Variants in FOXP1 observed in about 807,000 individuals in gnomAD.
FOXP1 encodes the protein forkhead box protein P1.
A neutral mutation model predicts 98.2 loss-of-function variants in FOXP1; 15 were observed. The observed-to-expected ratio is 0.15, with a 90% CI of 0.10 to 0.24. The LOEUF is 0.24. Among genes scored for constraint, FOXP1 ranks in the 10% least tolerant of loss-of-function variants. FOXP1 has a pLI of 1.00. For synonymous variants in FOXP1, 371 were observed against 314.5 expected, an observed-to-expected ratio of 1.18 and a Z score of -1.90; for missense variants, 633 against 848.5, an observed-to-expected ratio of 0.75 and a Z score of 3.15.
At chr3:71,006,675 G>A (rs140595740) in intron 12 of FOXP1, among the ~76,000 whole-genome samples, 4 of 152,030 alleles carry the variant, frequency 2.6e-5, no homozygotes, top group East Asian at 3.9e-4. Flanking sequence ...ATTACATGCC[G>A]GAAATGATCA....
intron 11 of FOXP1, among the ~76,000 whole-genome samples, chr3:71,019,698 G>C (rs150983069): frequency 6.6e-6 from 1 of 152,132 alleles, no homozygotes; most frequent in Non-Finnish European, 1.5e-5. Context: ...AGGTGTGGTG[G>C]TGGGCACCTA....
intron 6 of FOXP1, among the ~76,000 whole-genome samples, chr3:71,187,475 A>C (rs1334333334): frequency 6.6e-6 from 1 of 152,084 alleles, no homozygotes; most frequent in African/African-American, 2.4e-5. Flanking sequence ...CCCAGCTACT[A>C]GGGAAGCTGA....
intron 3 of FOXP1, among the ~76,000 whole-genome samples, chr3:71,436,808 C>T (rs534813515): frequency 4.6e-5 from 7 of 152,280 alleles, no homozygotes; most frequent in Non-Finnish European, 8.8e-5. Flanking sequence ...GGCAGGAATA[C>T]TGCAAAATGT....
At chr3:71,491,860 T>C (rs1165581074) in intron 3 of FOXP1, among the ~76,000 whole-genome samples, 2 of 152,176 alleles carry the variant, frequency 1.3e-5, no homozygotes, top group Non-Finnish European at 2.9e-5. Flanking sequence ...TCTTCACAAA[T>C]CTGGCCCAAG....
intron 14 of FOXP1, among the ~76,000 whole-genome samples, chr3:70,979,279 CAAAAAAAAAAAAAA>C (rs544916383): frequency 2.4e-3 from 103 of 42,540 alleles, no homozygotes; most frequent in African/African-American, 8.4e-3. Context: ...GACTCTACCT[CAAAAAAAAAAAAAA>C]AAAAAAAAAA....
In FOXP1 at chr3:70,987,715, A is replaced by G. The variant is rs146060413; in HGVS notation, c.1146+279T>C. On this transcript the variant is annotated intron_variant, in intron 14 of 20. Transcript: ENST00000649528. ...GGGAGCTCTCATAATGTATTTCAGT[A>G]CCTTGCTTGGGCACCAATCATTCTG... 2.5e-3 allele frequency among the ~76,000 whole-genome samples: 385 copies of G among 152,302 alleles called. 1 individual carries two copies. Among genetic ancestry groups the G allele is most frequent in the African/African-American group, 8.9e-3 (371 of 41,560 alleles).
At chr3:71,126,362 G>A (rs1005468662) in intron 6 of FOXP1, among the ~76,000 whole-genome samples, 10 of 151,774 alleles carry the variant, frequency 6.6e-5, no homozygotes, top group Admixed American at 1.3e-4. Flanking sequence ...GGTGGCAGGC[G>A]CCTGTAGTCC....
chr3:71,217,029 A>G (rs920533424), intron 5 of FOXP1, among the ~76,000 whole-genome samples: 1 of 152,182 alleles, frequency 6.6e-6, no homozygotes, highest in Non-Finnish European at 1.5e-5. Context: ...GAACACTTCT[A>G]AAAGAATTTG....
chr3:71,038,613 T>C (rs536696219), intron 11 of FOXP1, among the ~76,000 whole-genome samples: 7 of 152,242 alleles, frequency 4.6e-5, no homozygotes, highest in South Asian at 2.1e-4. Flanking sequence ...CTACATAATA[T>C]GCATTTGAAG....
chr3:71,144,048 A>G (rs2060193388), intron 6 of FOXP1, among the ~76,000 whole-genome samples: 2 of 152,216 alleles, frequency 1.3e-5, no homozygotes, highest in Admixed American at 1.3e-4. Context: ...TGAATAGGAA[A>G]AAAAAAAGTA....
In FOXP1 at chr3:71,041,393, G is replaced by T; in HGVS notation, c.804C>A (p.Ser268=). 1.2e-6 allele frequency: 2 copies of T among 1,613,826 alleles called. No individual in the cohort carries two copies. Among genetic ancestry groups the T allele is most frequent in the Non-Finnish European group, 1.7e-6 (2 of 1,179,826 alleles). ...TAGAGGCATGTGGGTTCATTATTAA[G>T]GAGGTCTTGGAAGGTGCAGAGGAGG... The part of the protein sequence containing the change: ...CVSSSAPSKT[S]LIMNPHASTN... The change falls in exon 11 of 21, where the codon TCC becomes TCA. Residue 268 remains serine, a synonymous_variant. Transcript: ENST00000649528.
At chr3:71,418,116 G>GGTGTGTGT (rs60973104) in intron 3 of FOXP1, among the ~76,000 whole-genome samples, 32 of 147,476 alleles carry the variant, frequency 2.2e-4, no homozygotes, top group African/African-American at 5.7e-4. Context: ...TGTGCTTGTG[G>GGTGTGTGT]GTGTGTGTGT....
chr3:71,481,910 C>T (rs535911988), intron 3 of FOXP1, among the ~76,000 whole-genome samples: 27 of 152,214 alleles, frequency 1.8e-4, no homozygotes, highest in Admixed American at 2.0e-4. Context: ...ATGAAAACGC[C>T]CCACTCCACA....
At chr3:70,992,542 T>A (rs533530446) in intron 13 of FOXP1, among the ~76,000 whole-genome samples, 9 of 152,314 alleles carry the variant, frequency 5.9e-5, no homozygotes, top group South Asian at 4.1e-4. Context: ...CAGAACTTAG[T>A]ACCAGTGAAA....
intron 5 of FOXP1, among the ~76,000 whole-genome samples, chr3:71,278,658 G>A (rs1213059263): frequency 6.6e-6 from 1 of 152,150 alleles, no homozygotes; most frequent in Admixed American, 6.5e-5. Context: ...GTATGCACCT[G>A]TAATCACAGC....
intron 7 of FOXP1, among the ~76,000 whole-genome samples, chr3:71,088,182 C>T (rs769050229): frequency 6.6e-6 from 1 of 152,182 alleles, no homozygotes; most frequent in Non-Finnish European, 1.5e-5. Flanking sequence ...CTTAAACTTG[C>T]TCTTCCCCGA....
intron 7 of FOXP1, among the ~76,000 whole-genome samples, chr3:71,095,741 G>A (rs2056393762): frequency 1.3e-5 from 2 of 152,320 alleles, no homozygotes; most frequent in South Asian, 4.1e-4. Context: ...ACTTTGGTCA[G>A]ATATCAAGTT....
chr3:71,312,468 A>G (rs774166308), intron 4 of FOXP1, among the ~76,000 whole-genome samples: 9 of 152,234 alleles, frequency 5.9e-5, no homozygotes, highest in Non-Finnish European at 1.3e-4. Context: ...AAGGTGGACC[A>G]GAAAGATGAA....
chr3:71,037,900 A>G (rs1327780094), intron 11 of FOXP1, among the ~76,000 whole-genome samples: 1 of 152,196 alleles, frequency 6.6e-6, no homozygotes, highest in African/African-American at 2.4e-5. Context: ...GTGGGTTTCT[A>G]TTGGCAATCT....
Sources: gnomAD v4.1 joint callset for allele counts (sites outside exome capture counted in the v4.1 genomes callset) on GRCh38, gnomAD v4.1.1 for gene constraint, MANE v1.5 for transcripts, NCBI Gene and HGNC (gene_info 2026-07-23, HGNC 2026-07-21) for gene names.